CENPW: variants seen among roughly 807,000 people sequenced by gnomAD.
The protein encoded by CENPW is centromere protein W, also known as cancer-up-regulated gene 2 protein.
In CENPW, 3 loss-of-function variants were observed where a neutral mutation model predicts 11.1. The observed-to-expected ratio is 0.27, with a 90% CI of 0.12 to 0.70. The LOEUF (loss-of-function observed/expected upper bound fraction) is 0.70, where lower values mean the gene tolerates loss of function less well. Ranked by LOEUF, CENPW falls within the 30% of genes least tolerant of loss-of-function variation. CENPW has a pLI of 0.77. For synonymous variants in CENPW, 38 were observed against 42.0 expected (o/e 0.91, Z 0.37); for missense variants, 100 against 105.6 (o/e 0.95, Z 0.23).
the CENPW span, among the ~76,000 whole-genome samples, chr6:126,462,671 C>A: frequency 5.4e-3 from 814 of 151,504 alleles, 9 homozygotes; most frequent in African/African-American, 0.018. Flanking sequence ...AGACTGAGAC[C>A]AATATACAAA....
the CENPW span, among the ~76,000 whole-genome samples, chr6:126,478,076 T>C: frequency 6.6e-6 from 1 of 152,132 alleles, no homozygotes; most frequent in South Asian, 2.1e-4. Context: ...TGCCAATTGG[T>C]CAAATTCATA....
chr6:126,455,409 T>C, the CENPW span, among the ~76,000 whole-genome samples: 1 of 151,200 alleles, frequency 6.6e-6, no homozygotes. Flanking sequence ...ATGCAAAGTG[T>C]TTCAACATAT....
the CENPW span, among the ~76,000 whole-genome samples, chr6:126,377,268 A>G: frequency 2.0e-5 from 3 of 152,190 alleles, no homozygotes; most frequent in African/African-American, 2.4e-5. Context: ...GGAAGTGTGT[A>G]TACCCTAATT....
intron 2 of CENPW, 35 bp from the exon 3 acceptor site, chr6:126,348,431 A>G: frequency 9.2e-7 from 1 of 1,090,228 alleles, no homozygotes; most frequent in East Asian, 2.4e-5. Context: ...TTTTTCATAG[A>G]TATAATATGA....
the CENPW span, among the ~76,000 whole-genome samples, chr6:126,399,582 ATTACC>A: frequency 1.3e-5 from 2 of 151,732 alleles, no homozygotes; most frequent in African/African-American, 4.8e-5. Flanking sequence ...TTTCTTTTTT[ATTACC>A]TTAAATATAC....
the CENPW span, among the ~76,000 whole-genome samples, chr6:126,416,002 G>C: frequency 6.6e-6 from 1 of 152,166 alleles, no homozygotes. Context: ...CAGTTTGGAG[G>C]GCTCAGAAGA....
chr6:126,368,605 T>C, the CENPW span, among the ~76,000 whole-genome samples: 1 of 151,880 alleles, frequency 6.6e-6, no homozygotes, highest in Non-Finnish European at 1.5e-5. Context: ...TGAGAGATTT[T>C]AGTGCACCCA....
the CENPW span, among the ~76,000 whole-genome samples, chr6:126,403,814 T>C: frequency 6.6e-6 from 1 of 152,074 alleles, no homozygotes; most frequent in Non-Finnish European, 1.5e-5. Context: ...ATGAAGTTTG[T>C]TACACTAAAC....
At chr6:126,462,050 G>GA in the CENPW span, among the ~76,000 whole-genome samples, 1 of 151,926 alleles carries the variant, frequency 6.6e-6, no homozygotes, top group African/African-American at 2.4e-5. Flanking sequence ...TCATTTAAAA[G>GA]AAGAGAGTTG....
chr6:126,439,181 T>G, the CENPW span, among the ~76,000 whole-genome samples: 1 of 151,728 alleles, frequency 6.6e-6, no homozygotes, highest in Admixed American at 6.6e-5. Flanking sequence ...TCTGTTAAAC[T>G]GTAGATTCTA....
At chr6:126,398,033 A>G in the CENPW span, among the ~76,000 whole-genome samples, 2 of 151,872 alleles carry the variant, frequency 1.3e-5, no homozygotes, top group Admixed American at 6.6e-5. Flanking sequence ...TGTCTCCTAC[A>G]CCTTGTGTGT....
the CENPW span, among the ~76,000 whole-genome samples, chr6:126,411,126 G>A: frequency 6.6e-6 from 1 of 152,084 alleles, no homozygotes; most frequent in Non-Finnish European, 1.5e-5. Context: ...TTTCTAGAGT[G>A]GCTTTCATAG....
At chr6:126,369,275 C>T in the CENPW span, among the ~76,000 whole-genome samples, 34 of 152,022 alleles carry the variant, frequency 2.2e-4, no homozygotes, top group Non-Finnish European at 3.5e-4. Flanking sequence ...TTTCATGTAA[C>T]GACTCCTTTT....
At chr6:126,411,890 ACCTTCCTT>A in the CENPW span, among the ~76,000 whole-genome samples, 3 of 143,354 alleles carry the variant, frequency 2.1e-5, no homozygotes, top group Middle Eastern at 3.6e-3. Flanking sequence ...CGTCCTTCCT[ACCTTCCTT>A]CCTTCCTTCC....
At chr6:126,481,019 C>T in the CENPW span, among the ~76,000 whole-genome samples, 2 of 151,988 alleles carry the variant, frequency 1.3e-5, no homozygotes, top group African/African-American at 4.8e-5. Context: ...CAAATGGAAT[C>T]AGCTTCAGTT....
chr6:126,428,815 T>C, the CENPW span, among the ~76,000 whole-genome samples: 1 of 152,328 alleles, frequency 6.6e-6, no homozygotes, highest in South Asian at 2.1e-4. Context: ...TAATTTTTCT[T>C]GACATAAAAT....
At chr6:126,454,424 A>C in the CENPW span, among the ~76,000 whole-genome samples, 1 of 151,448 alleles carries the variant, frequency 6.6e-6, no homozygotes, top group Non-Finnish European at 1.5e-5. Context: ...AAATTGCTCA[A>C]AATCCTAGAA....
chr6:126,464,824 C>G, the CENPW span, among the ~76,000 whole-genome samples: 1 of 152,158 alleles, frequency 6.6e-6, no homozygotes, highest in African/African-American at 2.4e-5. Context: ...AACTCCCTTT[C>G]ATATATGCAT....
At chr6:126,441,571 T>C in the CENPW span, among the ~76,000 whole-genome samples, 1 of 151,486 alleles carries the variant, frequency 6.6e-6, no homozygotes, top group Non-Finnish European at 1.5e-5. Context: ...CAGTGTACAC[T>C]GTGCCCAAGT....
Sources: gnomAD v4.1 joint callset for allele counts (sites outside exome capture counted in the v4.1 genomes callset) on GRCh38, gnomAD v4.1.1 for gene constraint, MANE v1.5 for transcripts, NCBI Gene and HGNC (gene_info 2026-07-23, HGNC 2026-07-21) for gene names.